ABTB3: variants seen among roughly 807,000 people sequenced by gnomAD.
The protein encoded by ABTB3 is ankyrin repeat and BTB domain containing 3.
chr12:107,568,605 G>A, the ABTB3 span, among the ~76,000 whole-genome samples: 14 of 152,256 alleles, frequency 9.2e-5, 1 homozygote, highest in East Asian at 1.9e-4. Context: ...ACTGAGGTTC[G>A]TAGCTACCAA....
chr12:107,348,092 C>T, the ABTB3 span, among the ~76,000 whole-genome samples: 11 of 151,884 alleles, frequency 7.2e-5, no homozygotes, highest in African/African-American at 2.7e-4. Flanking sequence ...GGTGGGAAGG[C>T]GTGGTGGTGG....
the ABTB3 span, among the ~76,000 whole-genome samples, chr12:107,657,310 A>T: frequency 4.6e-5 from 7 of 152,360 alleles, no homozygotes; most frequent in South Asian, 1.4e-3. Context: ...CACAAGGCCA[A>T]GGAGTGGAGG....
At chr12:107,651,961 C>T in the ABTB3 span, among the ~76,000 whole-genome samples, 1 of 152,264 alleles carries the variant, frequency 6.6e-6, no homozygotes, top group Non-Finnish European at 1.5e-5. Flanking sequence ...ATGCCTTCCA[C>T]CTCCCCTCCA....
At chr12:107,382,567 A>G in the ABTB3 span, among the ~76,000 whole-genome samples, 10 of 152,278 alleles carry the variant, frequency 6.6e-5, no homozygotes, top group East Asian at 1.9e-4. Context: ...GGCTGAGACT[A>G]TAGGGTTCAG....
At chr12:107,612,104 A>G in the ABTB3 span, among the ~76,000 whole-genome samples, 1 of 152,204 alleles carries the variant, frequency 6.6e-6, no homozygotes, top group African/African-American at 2.4e-5. Flanking sequence ...GTGTGAGAAA[A>G]GTCTCTAATT....
the ABTB3 span, among the ~76,000 whole-genome samples, chr12:107,523,816 G>A: frequency 6.6e-6 from 1 of 152,142 alleles, no homozygotes; most frequent in Non-Finnish European, 1.5e-5. Flanking sequence ...TGTTTTCCAG[G>A]ACATGCTCAT....
the ABTB3 span, among the ~76,000 whole-genome samples, chr12:107,511,219 G>T: frequency 6.6e-6 from 1 of 152,206 alleles, no homozygotes; most frequent in African/African-American, 2.4e-5. Flanking sequence ...ATTCTACACA[G>T]CAACATGGGG....
At chr12:107,571,247 T>C in the ABTB3 span, among the ~76,000 whole-genome samples, 1 of 152,218 alleles carries the variant, frequency 6.6e-6, no homozygotes, top group Non-Finnish European at 1.5e-5. Context: ...ACAATTCCCC[T>C]GTTTCACATA....
At chr12:107,347,617 T>C in the ABTB3 span, among the ~76,000 whole-genome samples, 1 of 152,086 alleles carries the variant, frequency 6.6e-6, no homozygotes, top group Non-Finnish European at 1.5e-5. Flanking sequence ...GTAATGGCTG[T>C]TTTTACATGA....
At chr12:107,452,183 A>G in the ABTB3 span, among the ~76,000 whole-genome samples, 2 of 151,806 alleles carry the variant, frequency 1.3e-5, no homozygotes, top group Non-Finnish European at 2.9e-5. Context: ...GACAGATGAA[A>G]AGATCTCTGC....
chr12:107,379,420 T>A, the ABTB3 span, among the ~76,000 whole-genome samples: 1 of 152,114 alleles, frequency 6.6e-6, no homozygotes, highest in East Asian at 1.9e-4. Context: ...TCTCACGAGA[T>A]CTGATGGTTT....
chr12:107,643,402 C>CA, the ABTB3 span, among the ~76,000 whole-genome samples: 837 of 79,170 alleles, frequency 0.011, 6 homozygotes, highest in East Asian at 0.041. Flanking sequence ...GACCCTATCT[C>CA]AAAAAAAAAA....
chr12:107,556,821 A>G, the ABTB3 span, among the ~76,000 whole-genome samples: 1 of 151,998 alleles, frequency 6.6e-6, no homozygotes, highest in African/African-American at 2.4e-5. Context: ...GACCAGTCTG[A>G]CCAAGATGGC....
chr12:107,651,730 T>C, the ABTB3 span: 1 of 1,614,196 alleles, frequency 6.2e-7, no homozygotes, highest in Non-Finnish European at 8.5e-7. Context: ...ACTGTGAGAT[T>C]ATCTGTGCGA....
the ABTB3 span, among the ~76,000 whole-genome samples, chr12:107,528,938 AGAT>A: frequency 1.4e-5 from 2 of 140,308 alleles, no homozygotes; most frequent in Non-Finnish European, 3.1e-5. Flanking sequence ...ATGATGATGG[AGAT>A]GATGATGGTA....
At chr12:107,606,905 G>A in the ABTB3 span, among the ~76,000 whole-genome samples, 1 of 152,192 alleles carries the variant, frequency 6.6e-6, no homozygotes, top group Non-Finnish European at 1.5e-5. Context: ...TGTGATGTGT[G>A]CTCTGTGACC....
At chr12:107,508,424 C>A in the ABTB3 span, among the ~76,000 whole-genome samples, 1 of 113,674 alleles carries the variant, frequency 8.8e-6, no homozygotes, top group Non-Finnish European at 1.9e-5. Context: ...TAATTAAAAT[C>A]TCAAAGATCA....
the ABTB3 span, among the ~76,000 whole-genome samples, chr12:107,656,033 A>G: frequency 1.7e-3 from 257 of 152,220 alleles, no homozygotes; most frequent in African/African-American, 5.9e-3. Flanking sequence ...CATGCCTGTA[A>G]TCCCAGCATT....
chr12:107,343,722 G>A, the ABTB3 span, among the ~76,000 whole-genome samples: 4 of 152,216 alleles, frequency 2.6e-5, no homozygotes, highest in Non-Finnish European at 5.9e-5. Flanking sequence ...AGTTCTGCAT[G>A]GCTCGGGAGG....
Sources: gnomAD v4.1 joint callset for allele counts (sites outside exome capture counted in the v4.1 genomes callset) on GRCh38, gnomAD v4.1.1 for gene constraint, MANE v1.5 for transcripts, NCBI Gene and HGNC (gene_info 2026-07-23, HGNC 2026-07-21) for gene names.